MIA2: variants seen among roughly 807,000 people sequenced by gnomAD.
MIA2 encodes the protein melanoma inhibitory activity protein 2.
Under a neutral mutation model 167.8 loss-of-function variants are expected in MIA2, and 127 were observed. The ratio of observed to expected loss-of-function variants is 0.76; its 90% CI spans 0.66 to 0.88. The LOEUF (loss-of-function observed/expected upper bound fraction) is 0.88, where lower values mean the gene tolerates loss of function less well. Ranked by LOEUF, MIA2 falls within the 40% of genes least tolerant of loss-of-function variation. The pLI is 0.00. For missense variants in MIA2, 1,690 were observed against 1,624.7 expected, an observed-to-expected ratio of 1.04 and a Z score of -0.69; for synonymous variants, 552 against 541.9, an observed-to-expected ratio of 1.02 and a Z score of -0.26.
Position 39,317,968 on chromosome 14 carries a change from A to G in MIA2, c.3241A>G (p.Asn1081Asp). 6.3e-7 allele frequency: 1 copy of G among 1,583,488 alleles called. No individual in the cohort carries two copies. The highest frequency in any genetic ancestry group is 8.6e-7 in the Non-Finnish European group (1 of 1,168,408). ...NWLAARNAERNLNDLRKENAH... is the reference protein window; with the variant it reads ...NWLAARNAERDLNDLRKENAH... ...GTTGGCAGCTCGGAATGCTGAAAGA[A>G]ACCTCAATGATTTAAGGAAAGAAAA... Residue 1081 changes from asparagine (N) to aspartate (D), a missense_variant, in exon 22 of 29, where the codon AAC becomes GAC. By Grantham distance (23) the Asn-to-Asp change is conservative. Transcript: ENST00000640607.
chr14:39,277,863 T>G (rs1307220462), intron 7 of MIA2, among the ~76,000 whole-genome samples: 1 of 144,408 alleles, frequency 6.9e-6, no homozygotes, highest in Non-Finnish European at 1.5e-5. Flanking sequence ...ATAGTGCGCC[T>G]ACAGCCTACA....
At chr14:39,356,862 T>TTGAG (rs1470954119) in intron 23 of MIA2, among the ~76,000 whole-genome samples, 5 of 152,212 alleles carry the variant, frequency 3.3e-5, no homozygotes, top group Non-Finnish European at 7.3e-5. Context: ...TTGAGCAGTT[T>TTGAG]TGAGTGAGTT....
At chr14:39,382,856 A>C (rs894606960) in intron 23 of MIA2, among the ~76,000 whole-genome samples, 3 of 151,724 alleles carry the variant, frequency 2.0e-5, no homozygotes, top group African/African-American at 4.8e-5. Flanking sequence ...TATTTGAAAT[A>C]CTATTTATTA....
intron 6 of MIA2, among the ~76,000 whole-genome samples, chr14:39,275,139 T>TTGTGTGTGTG (rs67380839): frequency 0.034 from 4,259 of 126,668 alleles, 146 homozygotes; most frequent in African/African-American, 0.072. Context: ...CCTTAATCCT[T>TTGTGTGTGTG]TGTGTGTGTG....
chr14:39,312,340 C>G (rs1442502985), intron 18 of MIA2, among the ~76,000 whole-genome samples: 1 of 152,224 alleles, frequency 6.6e-6, no homozygotes, highest in Non-Finnish European at 1.5e-5. Context: ...CGTGCTTTTC[C>G]TAAGGAGATG....
chr14:39,322,375 T>C (rs1280415551), intron 24 of MIA2, among the ~76,000 whole-genome samples: 3 of 151,902 alleles, frequency 2.0e-5, no homozygotes, highest in African/African-American at 7.3e-5. Context: ...ACCCTGTCTC[T>C]ACTAAAAATA....
At chr14:39,325,429 A>G (rs964638441) in intron 24 of MIA2, among the ~76,000 whole-genome samples, 71 of 142,820 alleles carry the variant, frequency 5.0e-4, no homozygotes, top group African/African-American at 1.8e-3. Flanking sequence ...GTGCAGTGGC[A>G]TGATCTTGGC....
At chr14:39,238,685 C>G (rs1344692067) in intron 2 of MIA2, among the ~76,000 whole-genome samples, 1 of 149,294 alleles carries the variant, frequency 6.7e-6, no homozygotes, top group African/African-American at 2.5e-5. Context: ...AAGCCAGTTA[C>G]TTGAGAGGCT....
chr14:39,301,805 CAT>C (rs1253888740), intron 14 of MIA2, among the ~76,000 whole-genome samples: 3 of 152,114 alleles, frequency 2.0e-5, no homozygotes, highest in East Asian at 1.9e-4. Context: ...AATTTACTCT[CAT>C]GTTAATTAGG....
At chr14:39,325,889 C>CT (rs200351419) in intron 24 of MIA2, among the ~76,000 whole-genome samples, 7,499 of 151,586 alleles carry the variant, frequency 0.049, 634 homozygotes, top group African/African-American at 0.17. Flanking sequence ...AACTTTTGTA[C>CT]TTTTAGTAGA....
intron 13 of MIA2, among the ~76,000 whole-genome samples, chr14:39,298,210 C>G (rs1282572638): frequency 6.6e-6 from 1 of 151,824 alleles, no homozygotes; most frequent in Non-Finnish European, 1.5e-5. Context: ...CTGTTTTCAT[C>G]TAACTCCCTT....
intron 6 of MIA2, among the ~76,000 whole-genome samples, chr14:39,263,628 T>C (rs972809577): frequency 2.4e-5 from 3 of 126,678 alleles, no homozygotes; most frequent in Admixed American, 1.5e-4. Context: ...CCTCTCTCTC[T>C]CTCTCTTTTT....
chr14:39,268,251 AATT>A (rs1347900665), intron 6 of MIA2, among the ~76,000 whole-genome samples: 1 of 152,094 alleles, frequency 6.6e-6, no homozygotes, highest in Admixed American at 6.5e-5. Context: ...AAGACCACTT[AATT>A]ATTGAGGCAG....
Position 39,293,253 on chromosome 14 carries a change from G to A in MIA2, c.2209-18G>A. The A allele has an allele frequency of 6.6e-7, 1 of 1,511,682 alleles. No individual in the cohort carries two copies. Among genetic ancestry groups the A allele is most frequent in the Non-Finnish European group, 9.1e-7 (1 of 1,093,418 alleles). 93.6% of individuals were successfully genotyped at this position (1,511,682 alleles called of 1,614,324 possible). A position where few individuals can be genotyped will look rare whatever the true frequency, so the allele number is the denominator to read the frequency against. ...AAAATTCTTATATCTGTTTAATAAAGTTGGCTTTCTCTCTTAGGCAACCTG... is the reference window on the plus strand; with the variant it reads ...AAAATTCTTATATCTGTTTAATAAAATTGGCTTTCTCTCTTAGGCAACCTG... On this transcript the variant is annotated intron_variant, in intron 10 of 28. Transcript: ENST00000640607.
In MIA2 at chr14:39,240,580, A is replaced by G. The variant is rs1474664970; in HGVS notation, c.269A>G (p.Tyr90Cys). The change falls in exon 3 of 29, where the codon TAT (tyrosine) becomes TGT (cysteine). Residue 90 changes from tyrosine (Y) to cysteine (C), a missense_variant. By Grantham distance (194) the Tyr-to-Cys change is radical. Coordinates refer to ENST00000640607, the MANE Select transcript of MIA2 (RefSeq NM_001329214.4). ...TGACAGAAAGGAAAGGAGTTTGGAT[A>G]TTTTCCCAGAGATGCAGTCCAGATT... is the stretch of plus-strand genomic sequence containing the variant. The part of the protein sequence containing the change: ...WAGSKGKEFG[Y>C]FPRDAVQIEE... 6 of 1,612,498 alleles carry G rather than the reference A, an allele frequency of 3.7e-6. No homozygotes were observed. Among genetic ancestry groups the G allele is most frequent in the Non-Finnish European group, 4.2e-6 (5 of 1,178,960 alleles).
At chr14:39,317,382 A>G (rs919464329) in intron 21 of MIA2, among the ~76,000 whole-genome samples, 3 of 152,186 alleles carry the variant, frequency 2.0e-5, no homozygotes, top group South Asian at 2.1e-4. Context: ...GAAAAGTCAC[A>G]TGGTAACAGA....
intron 25 of MIA2, among the ~76,000 whole-genome samples, chr14:39,337,833 T>C (rs554384124): frequency 1.3e-5 from 2 of 152,238 alleles, no homozygotes; most frequent in African/African-American, 4.8e-5. Flanking sequence ...TCCTTCAGCC[T>C]CAGCCTCCTG....
At chr14:39,241,658 C>A (rs2054045063) in intron 3 of MIA2, among the ~76,000 whole-genome samples, 1 of 152,194 alleles carries the variant, frequency 6.6e-6, no homozygotes, top group Non-Finnish European at 1.5e-5. Flanking sequence ...TCTAACTATA[C>A]TTCTTGCCTA....
At chr14:39,249,519 G>T (rs2054464999) in intron 4 of MIA2, among the ~76,000 whole-genome samples, 1 of 150,690 alleles carries the variant, frequency 6.6e-6, no homozygotes, top group Non-Finnish European at 1.5e-5. Flanking sequence ...AAGTTTCAAG[G>T]TAATAAGAAA....
Sources: gnomAD v4.1 joint callset for allele counts (sites outside exome capture counted in the v4.1 genomes callset) on GRCh38, gnomAD v4.1.1 for gene constraint, MANE v1.5 for transcripts, NCBI Gene and HGNC (gene_info 2026-07-23, HGNC 2026-07-21) for gene names.